DMD: variants seen among roughly 807,000 people sequenced by gnomAD.
DMD encodes the protein mutant dystrophin.
A neutral mutation model predicts 330.1 loss-of-function variants in DMD; 63 were observed. That is an observed-to-expected ratio of 0.19 (90% confidence interval 0.16 to 0.24). The LOEUF (loss-of-function observed/expected upper bound fraction) is 0.24, where lower values mean the gene tolerates loss of function less well. Among genes scored for constraint, DMD ranks in the 10% least tolerant of loss-of-function variants. The pLI, the probability that DMD is intolerant of heterozygous loss-of-function variation, is 1.00. For synonymous variants in DMD, 1,223 were observed against 959.8 expected, an observed-to-expected ratio of 1.27 and a Z score of -5.07; for missense variants, 3,344 against 2,684.1, an observed-to-expected ratio of 1.25 and a Z score of -5.43.
chrX:32,825,862 G>A (rs6653891), intron 4 of DMD, among the ~76,000 whole-genome samples: 5,218 of 111,382 alleles, frequency 0.047, 282 homozygotes, highest in African/African-American at 0.16. Flanking sequence ...GCTAGGGGAG[G>A]TGAAAATGGA....
chrX:32,756,107 T>A (rs1412417119), intron 7 of DMD: 11 of 112,449 alleles, frequency 9.8e-5, no homozygotes, highest in Non-Finnish European at 1.9e-4. Context: ...AATTAAATCT[T>A]AGTAACATTT....
intron 7 of DMD, among the ~76,000 whole-genome samples, chrX:32,768,165 T>C (rs1248668472): frequency 8.9e-6 from 1 of 111,862 alleles, no homozygotes; most frequent in East Asian, 2.8e-4. Flanking sequence ...AAGAAAAATA[T>C]GTTAAAAAAT....
At chrX:31,122,393 T>C (rs1024244649) in intron 78 of DMD, among the ~76,000 whole-genome samples, 1 of 110,616 alleles carries the variant, frequency 9.0e-6, no homozygotes, top group African/African-American at 3.3e-5. Context: ...ATCACCACCT[T>C]CACAACTACC....
At chrX:33,251,669 C>T (rs1339210190) in intron 1 of DMD, among the ~76,000 whole-genome samples, 2 of 111,562 alleles carry the variant, frequency 1.8e-5, no homozygotes, top group African/African-American at 6.5e-5. Context: ...AGATATATGA[C>T]CAATCTAGTT....
rs775574896 is a variant in DMD, at chrX:32,198,957, T to G, written c.6438+17959A>C. Among the ~76,000 whole-genome samples the G allele has an allele frequency of 3.5e-5, 4 of 112,775 alleles. No homozygotes were observed. The East Asian group carries it at 1.1e-3, about 31-fold the overall frequency. On this transcript the variant is annotated intron_variant, in intron 44 of 78. Transcript: ENST00000357033. ...TAAGCCACCAAAGATAAAACAGTTT[T>G]GCAATCAATAGTGTTTTTCCTTTTC...
intron 60 of DMD, among the ~76,000 whole-genome samples, chrX:31,382,302 C>G (rs1368319265): frequency 1.8e-5 from 2 of 111,418 alleles, no homozygotes; most frequent in Non-Finnish European, 3.8e-5. Flanking sequence ...TTTTATTAGG[C>G]CCCAGTCTCA....
chrX:32,380,796 G>A (rs1001982139), intron 33 of DMD, 116 bp from the exon 34 acceptor site: 16 of 578,041 alleles, frequency 2.8e-5, no homozygotes, highest in South Asian at 1.9e-4. Context: ...TTTCTTACAC[G>A]TTTTAAAATA....
At chrX:31,372,965 T>C (rs2059674935) in intron 60 of DMD, among the ~76,000 whole-genome samples, 2 of 111,798 alleles carry the variant, frequency 1.8e-5, no homozygotes, top group Admixed American at 1.9e-4. Context: ...GATAAGCAAC[T>C]TCAGCAAAGT....
At chrX:31,325,940 A>AC (rs2056752176) in intron 61 of DMD, among the ~76,000 whole-genome samples, 1 of 95,205 alleles carries the variant, frequency 1.1e-5, no homozygotes, top group African/African-American at 4.0e-5. Context: ...CTCTTATTAT[A>AC]CCTTTCTAGT....
chrX:33,207,797 G>A (rs1316807554), intron 1 of DMD, among the ~76,000 whole-genome samples: 4 of 111,560 alleles, frequency 3.6e-5, no homozygotes, highest in Non-Finnish European at 7.5e-5. Context: ...TGCTTGGTTT[G>A]TTTGTTTTTT....
chrX:32,807,312 T>C (rs1394820142), intron 7 of DMD, among the ~76,000 whole-genome samples: 1 of 109,751 alleles, frequency 9.1e-6, no homozygotes, highest in East Asian at 2.9e-4. Context: ...CATCAGAGAA[T>C]ACTACAAACA....
chrX:31,176,213 T>C (rs977215500), intron 71 of DMD, among the ~76,000 whole-genome samples: 1 of 111,766 alleles, frequency 8.9e-6, no homozygotes, highest in Non-Finnish European at 1.9e-5. Context: ...CTAGATTTGT[T>C]TTCTTCCTCA....
chrX:32,029,400 T>C (rs1244295754), intron 44 of DMD, among the ~76,000 whole-genome samples: 1 of 111,222 alleles, frequency 9.0e-6, no homozygotes, highest in Non-Finnish European at 1.9e-5. Context: ...GGCAATAAGA[T>C]AGACATCTTA....
chrX:32,873,038 T>C (rs2083117794), intron 2 of DMD, among the ~76,000 whole-genome samples: 1 of 111,719 alleles, frequency 9.0e-6, no homozygotes, highest in Non-Finnish European at 1.9e-5. Context: ...TTGATCATAA[T>C]TGCTTTATCA....
At chrX:32,635,226 G>A (rs1403354167) in intron 11 of DMD, among the ~76,000 whole-genome samples, 1 of 111,532 alleles carries the variant, frequency 9.0e-6, no homozygotes, top group Non-Finnish European at 1.9e-5. Context: ...GGATGAGGGA[G>A]AGCTGGTATA....
chrX:32,329,961 T>C (rs1056959537), intron 41 of DMD, among the ~76,000 whole-genome samples: 6 of 112,354 alleles, frequency 5.3e-5, no homozygotes, highest in Non-Finnish European at 7.5e-5. Flanking sequence ...CACCACTAAA[T>C]ATAGCTTTCC....
intron 45 of DMD, among the ~76,000 whole-genome samples, chrX:31,954,407 G>C: frequency 9.0e-6 from 1 of 111,248 alleles, no homozygotes. Flanking sequence ...TTATGGGGTA[G>C]ATAAACCTTG....
chrX:31,167,948 A>G lies in DMD; in HGVS notation c.10553+1495T>C, dbSNP rs1033949704. Among the ~76,000 whole-genome samples the G allele has an allele frequency of 3.6e-5, 4 of 112,295 alleles. No homozygotes were observed. The Admixed American group carries it at 3.8e-4, about 11-fold the overall frequency. ...ATAACTGATAAAAAGGAAAACTGTC[A>G]AGGAATTTTCTGAGAAAGGTCCAAA... On this transcript the variant is annotated intron_variant, in intron 74 of 78. Coordinates refer to ENST00000357033, the MANE Select transcript of DMD (RefSeq NM_004006.3).
intron 51 of DMD, among the ~76,000 whole-genome samples, chrX:31,769,177 G>T (rs1264552017): frequency 9.0e-6 from 1 of 111,731 alleles, no homozygotes; most frequent in African/African-American, 3.2e-5. Context: ...CCCTTCTGTG[G>T]CAAATATTTC....
Sources: allele counts gnomAD v4.1 joint callset (sites outside exome capture counted in the v4.1 genomes callset), GRCh38; gene constraint gnomAD v4.1.1; transcripts MANE v1.5; gene names NCBI Gene and HGNC (gene_info 2026-07-23, HGNC 2026-07-21).